NRXN3: variants seen among roughly 807,000 people sequenced by gnomAD.
NRXN3 encodes the protein neurexin III.
In NRXN3, 32 loss-of-function variants were observed where a neutral mutation model predicts 137.6. That is an observed-to-expected ratio of 0.23 (90% CI 0.18 to 0.31). NRXN3 has a LOEUF of 0.31. NRXN3 is among the 10% of genes least tolerant of loss of function. The pLI is 1.00. For missense variants in NRXN3, 1,574 were observed against 2,062.5 expected (o/e 0.76, Z 4.59); for synonymous variants, 798 against 784.5 (o/e 1.02, Z -0.29).
chr14:78,228,009 T>A (rs1478283776), intron 1 of NRXN3, among the ~76,000 whole-genome samples: 1 of 152,200 alleles, frequency 6.6e-6, no homozygotes, highest in Non-Finnish European at 1.5e-5. Flanking sequence ...AAGTCACATG[T>A]CTGAGCTTAG....
intron 19 of NRXN3, among the ~76,000 whole-genome samples, chr14:79,778,949 C>A (rs1007955187): frequency 6.6e-6 from 1 of 152,124 alleles, no homozygotes; most frequent in African/African-American, 2.4e-5. Flanking sequence ...CACTCATTAC[C>A]TTTGGGTAAC....
intron 15 of NRXN3, among the ~76,000 whole-genome samples, chr14:79,028,965 G>T (rs1181360351): frequency 6.6e-6 from 1 of 152,048 alleles, no homozygotes; most frequent in Non-Finnish European, 1.5e-5. Context: ...ATGAGGCTAT[G>T]CTCAGCCAGT....
intron 15 of NRXN3, among the ~76,000 whole-genome samples, chr14:79,005,452 T>G (rs773802600): frequency 3.3e-5 from 5 of 152,218 alleles, no homozygotes; most frequent in Non-Finnish European, 5.9e-5. Flanking sequence ...ACGTTGGTAG[T>G]TAGTACTTAC....
intron 16 of NRXN3, among the ~76,000 whole-genome samples, chr14:79,505,534 A>G (rs1169231869): frequency 2.0e-5 from 3 of 152,208 alleles, no homozygotes; most frequent in African/African-American, 7.2e-5. Context: ...CCACATGGAC[A>G]CCCCTAACTT....
At chr14:79,738,020 A>C (rs1314831770) in intron 19 of NRXN3, among the ~76,000 whole-genome samples, 1 of 152,128 alleles carries the variant, frequency 6.6e-6, no homozygotes, top group African/African-American at 2.4e-5. Flanking sequence ...TTTAAATCAA[A>C]ATCACCTGTA....
chr14:79,626,115 C>T (rs1603247837), intron 16 of NRXN3, among the ~76,000 whole-genome samples: 1 of 152,156 alleles, frequency 6.6e-6, no homozygotes, highest in Non-Finnish European at 1.5e-5. Flanking sequence ...GTCTCTGTAA[C>T]ACAGCACTCT....
intron 10 of NRXN3, among the ~76,000 whole-genome samples, chr14:78,866,831 T>C (rs187271572): frequency 6.7e-6 from 1 of 148,690 alleles, no homozygotes; most frequent in Non-Finnish European, 1.5e-5. Context: ...GGAGTCTTGC[T>C]TTGTTGCCCA....
At chr14:78,302,485 C>T (rs1274693854) in intron 4 of NRXN3, among the ~76,000 whole-genome samples, 1 of 152,170 alleles carries the variant, frequency 6.6e-6, no homozygotes, top group Non-Finnish European at 1.5e-5. Context: ...AACCCAGAAT[C>T]TGTGCCCCTA....
At chr14:79,420,033 C>T (rs867165054) in intron 15 of NRXN3, among the ~76,000 whole-genome samples, 6 of 152,010 alleles carry the variant, frequency 3.9e-5, no homozygotes, top group African/African-American at 1.4e-4. Context: ...AGGAAAGAAC[C>T]AGGACCAGTA....
intron 20 of NRXN3, among the ~76,000 whole-genome samples, chr14:79,830,868 C>G (rs540374275): frequency 1.1e-5 from 1 of 94,972 alleles, no homozygotes; most frequent in African/African-American, 5.2e-5. Flanking sequence ...TGGTGCAAGG[C>G]TCTGTTAATA....
At chr14:78,914,784 G>A (rs1018252687) in intron 10 of NRXN3, among the ~76,000 whole-genome samples, 2 of 152,106 alleles carry the variant, frequency 1.3e-5, no homozygotes, top group Non-Finnish European at 1.5e-5. Context: ...AGAGTGACAC[G>A]ATCTGTCTTC....
chr14:78,389,835 GATAA>G (rs1402328634), intron 4 of NRXN3, among the ~76,000 whole-genome samples: 1 of 152,048 alleles, frequency 6.6e-6, no homozygotes, highest in Non-Finnish European at 1.5e-5. Context: ...TCAGAGATTA[GATAA>G]ATATTCATTT....
At chr14:78,790,716 G>A (rs2098802788) in intron 8 of NRXN3, among the ~76,000 whole-genome samples, 1 of 152,170 alleles carries the variant, frequency 6.6e-6, no homozygotes, top group South Asian at 2.1e-4. Flanking sequence ...AAAAGGGTGA[G>A]GGATGTGATA....
chr14:79,625,506 T>A (rs2098272482), intron 16 of NRXN3, among the ~76,000 whole-genome samples: 1 of 152,166 alleles, frequency 6.6e-6, no homozygotes, highest in African/African-American at 2.4e-5. Context: ...TAGTTCTAGT[T>A]CTAATTGTTT....
At chr14:78,384,769 A>G (rs1249049466) in intron 4 of NRXN3, among the ~76,000 whole-genome samples, 1 of 152,114 alleles carries the variant, frequency 6.6e-6, no homozygotes, top group Admixed American at 6.5e-5. Context: ...ACAATTAGGA[A>G]ACAACTGGAT....
At chr14:79,732,955 TTGATATTAATATTAA>T (rs1209432236) in intron 19 of NRXN3, among the ~76,000 whole-genome samples, 15 of 152,186 alleles carry the variant, frequency 9.9e-5, no homozygotes, top group Non-Finnish European at 1.2e-4. Flanking sequence ...GATTTATATT[TTGATATTAATATTAA>T]TATCAGCAAG....
At chr14:79,405,544 C>T (rs146551964) in intron 15 of NRXN3, among the ~76,000 whole-genome samples, 12 of 152,242 alleles carry the variant, frequency 7.9e-5, no homozygotes, top group Non-Finnish European at 1.5e-4. Flanking sequence ...ACTTCTCAGG[C>T]ATGAAGGCTG....
At chr14:78,967,129 T>C in intron 12 of NRXN3, 79 bp from the exon 13 acceptor site, 1 of 1,225,840 alleles carries the variant, frequency 8.2e-7, no homozygotes, top group Non-Finnish European at 1.1e-6. Context: ...TGAAGCCCAC[T>C]ATGTCAGTTA....
chr14:79,240,984 G>C (rs1020716136), intron 15 of NRXN3, among the ~76,000 whole-genome samples: 37 of 152,102 alleles, frequency 2.4e-4, no homozygotes, highest in Non-Finnish European at 4.4e-5. Flanking sequence ...GTGTGTGCAT[G>C]TATGTGTCCT....
Sources: allele counts gnomAD v4.1 joint callset (sites outside exome capture counted in the v4.1 genomes callset), GRCh38; gene constraint gnomAD v4.1.1; transcripts MANE v1.5; gene names NCBI Gene and HGNC (gene_info 2026-07-23, HGNC 2026-07-21).